The following SLC24A2 variants were observed in gnomAD, a reference collection of about 807,000 sequenced individuals.
The protein encoded by SLC24A2 is sodium/potassium/calcium exchanger 2.
In SLC24A2, 36 loss-of-function variants were observed where a neutral mutation model predicts 62.0. That is an observed-to-expected ratio of 0.58 (90% confidence interval 0.44 to 0.77). The LOEUF is 0.77. Ranked by LOEUF, SLC24A2 falls within the 30% of genes least tolerant of loss-of-function variation. The pLI is 0.00. For missense variants in SLC24A2, 846 were observed against 817.9 expected, an observed-to-expected ratio of 1.03 and a Z score of -0.42; for synonymous variants, 358 against 294.0, an observed-to-expected ratio of 1.22 and a Z score of -2.23.
intron 2 of SLC24A2, among the ~76,000 whole-genome samples, chr9:19,685,387 C>G (rs1564036705): frequency 6.6e-6 from 1 of 152,114 alleles, no homozygotes; most frequent in Non-Finnish European, 1.5e-5. Context: ...CAATGACATT[C>G]TTCACAGAAT....
At chr9:20,183,531 A>G in the SLC24A2 span, among the ~76,000 whole-genome samples, 1 of 152,232 alleles carries the variant, frequency 6.6e-6, no homozygotes, top group Non-Finnish European at 1.5e-5. Context: ...TCCTAAACAT[A>G]CTTGACAACA....
chr9:19,525,643 A>C (rs550727883), intron 9 of SLC24A2, among the ~76,000 whole-genome samples: 12 of 151,724 alleles, frequency 7.9e-5, no homozygotes, highest in African/African-American at 2.9e-4. Context: ...GGGTCAAGGG[A>C]TCTGCCTGCC....
the SLC24A2 span, among the ~76,000 whole-genome samples, chr9:20,207,784 C>T: frequency 0.21 from 31,568 of 152,128 alleles, 5,571 homozygotes; most frequent in East Asian, 0.63. Context: ...ACAATGGGCA[C>T]TGGGGATAAC....
chr9:19,662,996 G>A (rs1042974188), intron 2 of SLC24A2, among the ~76,000 whole-genome samples: 5 of 152,170 alleles, frequency 3.3e-5, no homozygotes, highest in South Asian at 2.1e-4. Context: ...TAAACAAAAC[G>A]TCAGTTGATC....
At chr9:20,094,485 A>G in the SLC24A2 span, among the ~76,000 whole-genome samples, 13 of 152,190 alleles carry the variant, frequency 8.5e-5, no homozygotes, top group Non-Finnish European at 2.9e-5. Flanking sequence ...ATTAACCACC[A>G]TGGTGAGCTT....
At chr9:19,936,454 T>C in the SLC24A2 span, among the ~76,000 whole-genome samples, 1 of 152,196 alleles carries the variant, frequency 6.6e-6, no homozygotes, top group South Asian at 2.1e-4. Flanking sequence ...TTGTATTTTT[T>C]GCAGAAACGA....
chr9:19,912,576 C>G, the SLC24A2 span, among the ~76,000 whole-genome samples: 76 of 152,236 alleles, frequency 5.0e-4, no homozygotes, highest in Middle Eastern at 3.4e-3. Flanking sequence ...CACGTGGGAC[C>G]CTCACTTGGT....
chr9:19,932,230 C>G, the SLC24A2 span, among the ~76,000 whole-genome samples: 1 of 152,086 alleles, frequency 6.6e-6, no homozygotes, highest in Non-Finnish European at 1.5e-5. Context: ...GTCTTGGTTT[C>G]TTTTTCTTAG....
intron 2 of SLC24A2, among the ~76,000 whole-genome samples, chr9:19,756,088 C>T (rs16937762): frequency 0.057 from 8,614 of 152,228 alleles, 305 homozygotes; most frequent in East Asian, 0.099. Flanking sequence ...TTACCTGCTA[C>T]CTGCTAACTG....
the SLC24A2 span, among the ~76,000 whole-genome samples, chr9:20,107,023 A>G: frequency 3.3e-5 from 5 of 152,228 alleles, no homozygotes; most frequent in African/African-American, 9.6e-5. Context: ...AAATCAATGT[A>G]CAAAAATCAC....
chr9:20,048,794 G>A, the SLC24A2 span, among the ~76,000 whole-genome samples: 385 of 151,148 alleles, frequency 2.5e-3, 4 homozygotes, highest in South Asian at 5.4e-3. Context: ...TTTATAAGTA[G>A]CAAAACCAAA....
chr9:19,583,135 T>A (rs1297431059), intron 5 of SLC24A2, among the ~76,000 whole-genome samples: 1 of 152,186 alleles, frequency 6.6e-6, no homozygotes, highest in African/African-American at 2.4e-5. Flanking sequence ...GTGAAACTCA[T>A]CCTGACTGCC....
At chr9:19,727,790 T>C (rs1312486543) in intron 2 of SLC24A2, among the ~76,000 whole-genome samples, 1 of 152,142 alleles carries the variant, frequency 6.6e-6, no homozygotes, top group Non-Finnish European at 1.5e-5. Context: ...TCAGCAAAGG[T>C]CTGATCAGTT....
At chr9:20,154,903 T>C in the SLC24A2 span, among the ~76,000 whole-genome samples, 1 of 151,544 alleles carries the variant, frequency 6.6e-6, no homozygotes, top group Admixed American at 6.6e-5. Context: ...CATACAACCC[T>C]GGTGGGAATG....
At chr9:19,891,275 T>A in the SLC24A2 span, among the ~76,000 whole-genome samples, 1 of 152,228 alleles carries the variant, frequency 6.6e-6, no homozygotes, top group African/African-American at 2.4e-5. Context: ...GGTCAGAGCA[T>A]GTCACTGTCC....
the SLC24A2 span, among the ~76,000 whole-genome samples, chr9:19,807,649 G>A: frequency 6.6e-6 from 1 of 152,196 alleles, no homozygotes; most frequent in African/African-American, 2.4e-5. Context: ...GAAATTGGAG[G>A]AAGTCTGTCA....
At chr9:19,659,439 T>C (rs768781685) in intron 2 of SLC24A2, among the ~76,000 whole-genome samples, 6 of 152,196 alleles carry the variant, frequency 3.9e-5, no homozygotes, top group Non-Finnish European at 7.3e-5. Flanking sequence ...TCTTTGGAAA[T>C]AGTCCTTTCA....
At chr9:20,215,707 G>A in the SLC24A2 span, among the ~76,000 whole-genome samples, 68,572 of 151,842 alleles carry the variant, frequency 0.45, 17,577 homozygotes, top group Non-Finnish European at 0.59. Flanking sequence ...GTAGTACAAG[G>A]CCATGGCTTT....
chr9:19,657,873 C>A (rs10738545), intron 2 of SLC24A2, among the ~76,000 whole-genome samples: 124,549 of 152,032 alleles, frequency 0.82, 51,063 homozygotes, highest in South Asian at 0.91. Flanking sequence ...GACTACAGGC[C>A]TGCACCACCA....
Sources: allele counts gnomAD v4.1 joint callset (sites outside exome capture counted in the v4.1 genomes callset), GRCh38; gene constraint gnomAD v4.1.1; transcripts MANE v1.5; gene names NCBI Gene and HGNC (gene_info 2026-07-23, HGNC 2026-07-21).